The following RALYL variants were observed in gnomAD, a reference collection of about 807,000 sequenced individuals.
RALYL encodes the protein RNA-binding Raly-like protein.
Under a neutral mutation model 35.1 loss-of-function variants are expected in RALYL, and 29 were observed. That is an observed-to-expected ratio of 0.83 (90% CI 0.61 to 1.13). The LOEUF is 1.13. RALYL is among the 50% of genes most tolerant of loss of function. The probability of loss-of-function intolerance (pLI) is 0.00; values close to 1 mark genes in which losing one functional copy is unlikely to be tolerated. For synonymous variants in RALYL, 120 were observed against 127.6 expected (o/e 0.94, Z 0.40); for missense variants, 359 against 360.4 (o/e 1.00, Z 0.03).
chr8:84,823,746 C>T (rs1829013817), intron 4 of RALYL, among the ~76,000 whole-genome samples: 1 of 151,962 alleles, frequency 6.6e-6, no homozygotes, highest in Admixed American at 6.6e-5. Flanking sequence ...TCCTCATTCT[C>T]TCCTTGTCCT....
At chr8:84,273,783 A>G (rs1834805812) in intron 1 of RALYL, among the ~76,000 whole-genome samples, 1 of 152,232 alleles carries the variant, frequency 6.6e-6, no homozygotes, top group Admixed American at 6.5e-5. Context: ...ATCAGGCAAT[A>G]TAATGATAAA....
chr8:84,197,727 C>T (rs994098834), intron 1 of RALYL, among the ~76,000 whole-genome samples: 6 of 147,096 alleles, frequency 4.1e-5, no homozygotes, highest in African/African-American at 1.0e-4. Flanking sequence ...CCCAGGAGTT[C>T]GAGACTGCCT....
chr8:84,467,836 G>A (rs1160646132), intron 1 of RALYL, among the ~76,000 whole-genome samples: 2 of 138,862 alleles, frequency 1.4e-5, no homozygotes, highest in African/African-American at 5.5e-5. Context: ...CCTGTATTGG[G>A]TGCATATATA....
chr8:84,615,701 C>G (rs1404968628), intron 2 of RALYL, among the ~76,000 whole-genome samples: 1 of 135,284 alleles, frequency 7.4e-6, no homozygotes, highest in Admixed American at 7.6e-5. Context: ...CCCACTAACT[C>G]GTCATCTAGC....
intron 1 of RALYL, among the ~76,000 whole-genome samples, chr8:84,249,637 A>C (rs944917400): frequency 9.2e-5 from 14 of 152,114 alleles, no homozygotes; most frequent in African/African-American, 3.4e-4. Flanking sequence ...AGTTGAGTAC[A>C]TATTTTCTCT....
At chr8:84,605,004 C>T (rs1477263100) in intron 2 of RALYL, among the ~76,000 whole-genome samples, 2 of 152,054 alleles carry the variant, frequency 1.3e-5, no homozygotes, top group East Asian at 1.9e-4. Flanking sequence ...AATTTTTGTT[C>T]CACTACCTTC....
chr8:84,636,321 A>G (rs914630128), intron 2 of RALYL, among the ~76,000 whole-genome samples: 2 of 151,864 alleles, frequency 1.3e-5, no homozygotes, highest in African/African-American at 4.8e-5. Context: ...ATAAATTCAG[A>G]AAAGAAACAT....
At chr8:84,273,889 T>A (rs1834825815) in intron 1 of RALYL, among the ~76,000 whole-genome samples, 1 of 152,222 alleles carries the variant, frequency 6.6e-6, no homozygotes, top group Non-Finnish European at 1.5e-5. Flanking sequence ...AAATTGTTAC[T>A]GTCTGTTTTC....
At chr8:84,529,276 G>A in intron 1 of RALYL, 23 bp from the exon 2 acceptor site, 2 of 1,542,328 alleles carry the variant, frequency 1.3e-6, no homozygotes, top group African/African-American at 1.4e-5. Context: ...TATTTGTTTT[G>A]TTTGTTTGTT....
intron 2 of RALYL, among the ~76,000 whole-genome samples, chr8:84,673,430 C>T (rs1833630157): frequency 6.6e-6 from 1 of 152,014 alleles, no homozygotes; most frequent in African/African-American, 2.4e-5. Flanking sequence ...GTGTCTTTGT[C>T]ATGCAATTTT....
At chr8:84,544,427 ATTTT>A (rs1418255342) in intron 2 of RALYL, among the ~76,000 whole-genome samples, 1 of 151,874 alleles carries the variant, frequency 6.6e-6, no homozygotes, top group Non-Finnish European at 1.5e-5. Flanking sequence ...TCCATGTCAG[ATTTT>A]TTATTTGTCT....
chr8:84,291,023 G>A (rs757952023), intron 1 of RALYL, among the ~76,000 whole-genome samples: 46 of 151,758 alleles, frequency 3.0e-4, no homozygotes, highest in Admixed American at 3.3e-4. Context: ...AATTGATTGC[G>A]TATTCTAAAA....
chr8:84,597,711 G>T (rs1438624282), intron 2 of RALYL, among the ~76,000 whole-genome samples: 2 of 152,052 alleles, frequency 1.3e-5, no homozygotes, highest in Non-Finnish European at 2.9e-5. Context: ...ATAATATTTT[G>T]TGACACATCA....
intron 1 of RALYL, among the ~76,000 whole-genome samples, chr8:84,297,052 T>C (rs907800883): frequency 6.6e-6 from 1 of 150,542 alleles, no homozygotes; most frequent in South Asian, 2.1e-4. Context: ...CATTTCTTCA[T>C]TTACAAAAAA....
intron 1 of RALYL, among the ~76,000 whole-genome samples, chr8:84,472,404 G>C (rs1456400273): frequency 1.3e-5 from 2 of 152,142 alleles, no homozygotes; most frequent in Non-Finnish European, 2.9e-5. Context: ...CTGAGAGATG[G>C]AGGAAGACTC....
At chr8:84,702,716 T>C (rs1275583245) in intron 2 of RALYL, among the ~76,000 whole-genome samples, 4 of 152,122 alleles carry the variant, frequency 2.6e-5, no homozygotes, top group African/African-American at 9.7e-5. Context: ...ATATTAAAAG[T>C]ATATATCTTA....
intron 1 of RALYL, among the ~76,000 whole-genome samples, chr8:84,479,136 G>T (rs1044073441): frequency 1.5e-5 from 2 of 130,548 alleles, no homozygotes; most frequent in African/African-American, 5.6e-5. Context: ...TATACACAGG[G>T]TTCTGTATAT....
chr8:84,887,636 G>A lies in RALYL; in HGVS notation c.718G>A (p.Val240Met), dbSNP rs775221568. 6.2e-7 allele frequency: 1 copy of A among 1,613,382 alleles called. No homozygotes were observed. Among genetic ancestry groups the A allele is most frequent in the South Asian group, 1.1e-5 (1 of 91,030 alleles). ...GAAGAAGCAATTGGAAGAGAGTCTA[G>A]TGCTGATCCAAGAGGAATGTGTGTC... is the stretch of plus-strand genomic sequence containing the variant. ...AQKKQLEESL[V>M]LIQEECVSEI... The change falls in exon 8 of 9, where the codon GTG (valine) becomes ATG (methionine). Residue 240 changes from valine to methionine, a missense_variant. Physicochemically the swap from Val to Met is conservative, Grantham distance 21. Transcript: ENST00000521268.
At chr8:84,604,310 A>T (rs1588457093) in intron 2 of RALYL, among the ~76,000 whole-genome samples, 1 of 152,158 alleles carries the variant, frequency 6.6e-6, no homozygotes, top group East Asian at 1.9e-4. Context: ...TACAAGAAAG[A>T]CCTCGATTTT....
Sources: allele counts gnomAD v4.1 joint callset (sites outside exome capture counted in the v4.1 genomes callset), GRCh38; gene constraint gnomAD v4.1.1; transcripts MANE v1.5; gene names NCBI Gene and HGNC (gene_info 2026-07-23, HGNC 2026-07-21).